The following ZMYM6 variants were observed in gnomAD, a reference collection of about 807,000 sequenced individuals.
The protein encoded by ZMYM6 is zinc finger MYM-type containing 6.
ZMYM6 carries 90 observed loss-of-function variants against 134.0 expected under a neutral mutation model. The ratio of observed to expected loss-of-function variants is 0.67; its 90% CI spans 0.57 to 0.80. The LOEUF (loss-of-function observed/expected upper bound fraction) is 0.80, where lower values mean the gene tolerates loss of function less well. ZMYM6 is among the 30% of genes least tolerant of loss of function. The pLI is 0.00. For synonymous variants in ZMYM6, 481 were observed against 524.1 expected, an observed-to-expected ratio of 0.92 and a Z score of 1.12; for missense variants, 1,362 against 1,533.9, an observed-to-expected ratio of 0.89 and a Z score of 1.87.
At position 34,987,881 on chromosome 1, in the gene ZMYM6, A is replaced by G. The variant is rs991228431; in HGVS notation, c.3201T>C (p.His1067=). The change falls in exon 16 of 16, where the codon CAT becomes CAC. Residue 1067 remains histidine, a synonymous_variant. Coordinates refer to ENST00000357182, the MANE Select transcript of ZMYM6 (RefSeq NM_007167.4). Reference sequence around the variant, plus strand: ...CTCTTGATATCCAACGTACTTCAGCATGAAGCGGTAAACTCACATGCTCAG... The same window carrying G: ...CTCTTGATATCCAACGTACTTCAGCGTGAAGCGGTAAACTCACATGCTCAG... ...MGSEHVSLPL[H]AEVRWISRGR... 7 of 1,551,512 alleles carry G rather than the reference A, an allele frequency of 4.5e-6. No individual in the cohort carries two copies. The African/African-American group carries it at 8.2e-5, about 18-fold the overall frequency.
chr1:35,011,170 T>C, intron 8 of ZMYM6, 134 bp from the exon 9 acceptor site: 1 of 915,946 alleles, frequency 1.1e-6, no homozygotes, highest in Non-Finnish European at 1.6e-6. Context: ...CAGAAAGAGT[T>C]TAAATGGTAT....
rs1449930266 is a variant in ZMYM6, at chr1:35,003,995, A to T, written c.1965T>A (p.Thr655=). The T allele has an allele frequency of 3.1e-6, 5 of 1,611,640 alleles. No individual in the cohort carries two copies. In the Admixed American group the frequency reaches 8.3e-5, roughly 27 times the overall value. Residue 655 remains threonine, a synonymous_variant, in exon 14 of 16, where the codon ACT becomes ACA. Coordinates refer to ENST00000357182, the MANE Select transcript of ZMYM6 (RefSeq NM_007167.4). ...CTTGAATGATCTTTGCTGCCTCTTT[A>T]GTAACTGCACCTGTTGTAAATTAAA... ...NTNSVLKGAV[T]KEAAKIIQDE...
chr1:34,986,649 C>T lies in ZMYM6; in HGVS notation c.*455G>A, dbSNP rs1640582582. 6.6e-6 allele frequency: 1 copy of T among 152,528 alleles called. No individual in the cohort carries two copies. 9.4% of individuals were successfully genotyped at this position (152,528 alleles called of 1,614,324 possible). A position where few individuals can be genotyped will look rare whatever the true frequency, so the allele number is the denominator to read the frequency against. On this transcript the variant is annotated 3_prime_UTR_variant, in exon 16 of 16. Transcript: ENST00000357182. ...TGTTTGAACCTAGGAGGCAGAGGTTCCAGTGAGCCAAGATCACGCCATTGC... is the reference window on the plus strand; with the variant it reads ...TGTTTGAACCTAGGAGGCAGAGGTTTCAGTGAGCCAAGATCACGCCATTGC...
chr1:34,999,224 A>T (rs1640838952), intron 14 of ZMYM6, among the ~76,000 whole-genome samples: 1 of 152,224 alleles, frequency 6.6e-6, no homozygotes, highest in Non-Finnish European at 1.5e-5. Flanking sequence ...AGAAAGGAGG[A>T]AAGAGTGACT....
chr1:35,026,912 A>C (rs1641424778), intron 2 of ZMYM6, among the ~76,000 whole-genome samples: 1 of 152,218 alleles, frequency 6.6e-6, no homozygotes, highest in Non-Finnish European at 1.5e-5. Context: ...GTGTCAATGA[A>C]AGATGAGGAG....
chr1:35,020,568 C>CTTTT (rs942213398), intron 2 of ZMYM6, 101 bp from the exon 3 acceptor site: 42 of 241,404 alleles, frequency 1.7e-4, no homozygotes, highest in South Asian at 3.1e-4. Context: ...TATTCATCTC[C>CTTTT]TTTTTTTTTT....
chr1:35,008,284 C>A (rs571414844), intron 11 of ZMYM6, among the ~76,000 whole-genome samples: 2 of 152,234 alleles, frequency 1.3e-5, no homozygotes, highest in South Asian at 2.1e-4. Flanking sequence ...TACAGAGCAC[C>A]AGACATGTAT....
At chr1:35,030,307 C>T (rs1311846811) in intron 2 of ZMYM6, 7 of 455,266 alleles carry the variant, frequency 1.5e-5, no homozygotes, top group Middle Eastern at 5.8e-4. Flanking sequence ...GGTGTGTGCC[C>T]TGTGGTCCCA....
intron 2 of ZMYM6, among the ~76,000 whole-genome samples, chr1:35,026,097 T>C (rs866116809): frequency 8.5e-5 from 13 of 152,296 alleles, no homozygotes; most frequent in African/African-American, 2.9e-4. Flanking sequence ...CTCAGTTCAC[T>C]GCAACCTCCG....
At chr1:34,993,991 T>C (rs1177200058) in intron 14 of ZMYM6, among the ~76,000 whole-genome samples, 10 of 140,696 alleles carry the variant, frequency 7.1e-5, no homozygotes. Flanking sequence ...GGCCAAAAAG[T>C]AAAGTTTTTT....
intron 4 of ZMYM6, chr1:35,019,149 A>G (rs1641258311): frequency 1.5e-6 from 1 of 686,336 alleles, no homozygotes; most frequent in Admixed American, 3.2e-5. Flanking sequence ...AAAGTGATAG[A>G]AAACTGGTTT....
At chr1:35,023,321 G>C (rs1231515730) in intron 2 of ZMYM6, among the ~76,000 whole-genome samples, 1 of 152,102 alleles carries the variant, frequency 6.6e-6, no homozygotes, top group Non-Finnish European at 1.5e-5. Flanking sequence ...TGGTCAGGCT[G>C]GTCTCGAACT....
chr1:35,030,900 G>A, intron 1 of ZMYM6, 187 bp from the exon 2 acceptor site: 1 of 470,820 alleles, frequency 2.1e-6, no homozygotes, highest in Non-Finnish European at 3.7e-6. Flanking sequence ...AACAGTTTTG[G>A]GGCAACAGCT....
intron 4 of ZMYM6, among the ~76,000 whole-genome samples, chr1:35,016,187 G>A (rs1641185175): frequency 6.6e-6 from 1 of 152,020 alleles, no homozygotes; most frequent in Non-Finnish European, 1.5e-5. Flanking sequence ...CTGACCTCGC[G>A]ATCCGCCTGC....
At chr1:34,995,069 A>G (rs1557560841) in intron 14 of ZMYM6, among the ~76,000 whole-genome samples, 2 of 104,730 alleles carry the variant, frequency 1.9e-5, no homozygotes, top group Non-Finnish European at 3.2e-5. Context: ...TATATGTAAT[A>G]TATATACTTA....
Position 34,988,303 on chromosome 1 carries a change from A to C in ZMYM6, c.2779T>G (p.Tyr927Asp). The C allele has an allele frequency of 6.4e-7, 1 of 1,551,032 alleles. No homozygotes were observed. ...EISNITLLLCYIRFIDYDCRD... is the reference protein window; with the variant it reads ...EISNITLLLCDIRFIDYDCRD... ...CAATCATAATCAATGAAACGAATAT[A>C]GCACAAAAGAAGTGTGATATTTGAG... Residue 927 changes from tyrosine to aspartate, a missense_variant, in exon 16 of 16, where the codon TAT becomes GAT. Tyr to Asp is a radical substitution (Grantham distance 160). Coordinates refer to ENST00000357182, the MANE Select transcript of ZMYM6 (RefSeq NM_007167.4).
At chr1:34,995,536 C>T (rs1640769976) in intron 14 of ZMYM6, among the ~76,000 whole-genome samples, 1 of 151,946 alleles carries the variant, frequency 6.6e-6, no homozygotes, top group African/African-American at 2.4e-5. Flanking sequence ...TGTGAAGGTA[C>T]TCTCTCTCAA....
chr1:34,988,538 A>T lies in ZMYM6; in HGVS notation c.2544T>A (p.Ile848=). Residue 848 remains isoleucine, a synonymous_variant, in exon 16 of 16, where the codon ATT becomes ATA. Transcript: ENST00000357182. ...AATATGGTTTAATTAATTCTTCAGC[A>T]ATGGAGAATGGCTTCTTGCTTGCAG... The part of the protein sequence containing the change: ...QTAASKKPFS[I]AEELIKPYLV... 1.3e-6 allele frequency: 2 copies of T among 1,551,316 alleles called. No individual in the cohort carries two copies. The highest frequency in any genetic ancestry group is 1.7e-6 in the Non-Finnish European group (2 of 1,146,882).
At chr1:35,014,154 T>A (rs374486683) in intron 6 of ZMYM6, among the ~76,000 whole-genome samples, 1 of 152,218 alleles carries the variant, frequency 6.6e-6, no homozygotes, top group East Asian at 1.9e-4. Context: ...ATAATTACAA[T>A]TCATTCCCAA....
Sources: allele counts gnomAD v4.1 joint callset (sites outside exome capture counted in the v4.1 genomes callset), GRCh38; gene constraint gnomAD v4.1.1; transcripts MANE v1.5; gene names NCBI Gene and HGNC (gene_info 2026-07-23, HGNC 2026-07-21).